The following ROBO1 variants were observed in gnomAD, a reference collection of about 807,000 sequenced individuals.
ROBO1 encodes roundabout guidance receptor 1.
In ROBO1, 149 loss-of-function variants were observed where a neutral mutation model predicts 195.9. The observed-to-expected ratio is 0.76, with a 90% CI of 0.67 to 0.87. The LOEUF (loss-of-function observed/expected upper bound fraction) is 0.87. ROBO1 is among the 40% of genes least tolerant of loss of function. ROBO1 has a pLI of 0.00. For synonymous variants in ROBO1, 816 were observed against 733.2 expected (o/e 1.11, Z -1.82); for missense variants, 1,933 against 2,068.3 (o/e 0.93, Z 1.27).
chr3:78,982,749 C>T (rs1182624727), intron 3 of ROBO1, among the ~76,000 whole-genome samples: 3 of 152,028 alleles, frequency 2.0e-5, no homozygotes, highest in Non-Finnish European at 4.4e-5. Flanking sequence ...CTGCCTCAGC[C>T]TCCTGAACAG....
At chr3:79,711,397 A>G (rs747955299) in intron 1 of ROBO1, among the ~76,000 whole-genome samples, 1 of 152,200 alleles carries the variant, frequency 6.6e-6, no homozygotes, top group Non-Finnish European at 1.5e-5. Context: ...TATTACACAC[A>G]GAGATTACGT....
chr3:78,926,072 T>A (rs1203043149), intron 4 of ROBO1, among the ~76,000 whole-genome samples: 1 of 152,030 alleles, frequency 6.6e-6, no homozygotes, highest in Non-Finnish European at 1.5e-5. Flanking sequence ...GGTTTCATCA[T>A]GTTGGCCAGG....
At chr3:78,646,320 A>G in intron 20 of ROBO1, 130 bp from the exon 21 acceptor site, 1 of 647,498 alleles carries the variant, frequency 1.5e-6, no homozygotes, top group East Asian at 2.8e-5. Context: ...TGCAAAAATC[A>G]CATGACGTAA....
chr3:79,120,309 A>G (rs1242205769), intron 3 of ROBO1, among the ~76,000 whole-genome samples: 3 of 152,154 alleles, frequency 2.0e-5, no homozygotes, highest in Non-Finnish European at 4.4e-5. Context: ...GAGATGAAAA[A>G]AATTATTATA....
rs576583805 is a variant in ROBO1 at position 78,804,861 on chromosome 3, C to T, written c.500-57961G>A. Among the ~76,000 whole-genome samples, 5 of 152,014 alleles carry T rather than the reference C, an allele frequency of 3.3e-5. No individual in the cohort carries two copies. In the East Asian group the frequency reaches 7.7e-4, roughly 23 times the overall value. On this transcript the variant is annotated intron_variant, in intron 4 of 30. Transcript: ENST00000464233. Reference sequence around the variant, plus strand: ...ACTGCTGTACATCTATTAAGAGTTCCAGTGTCTATTGGTTGGGTTCATCTG... The same window carrying T: ...ACTGCTGTACATCTATTAAGAGTTCTAGTGTCTATTGGTTGGGTTCATCTG...
At chr3:79,354,162 A>G (rs1467233737) in intron 2 of ROBO1, among the ~76,000 whole-genome samples, 2 of 152,180 alleles carry the variant, frequency 1.3e-5, no homozygotes, top group Non-Finnish European at 2.9e-5. Flanking sequence ...ACAACACTAT[A>G]ACAACTGGCC....
At chr3:79,242,283 A>G (rs1388051038) in intron 2 of ROBO1, among the ~76,000 whole-genome samples, 3 of 152,036 alleles carry the variant, frequency 2.0e-5, no homozygotes, top group Non-Finnish European at 4.4e-5. Flanking sequence ...AAAAAAAAAA[A>G]ATTCTCTTTT....
chr3:79,073,704 C>A (rs2079125408), intron 3 of ROBO1, among the ~76,000 whole-genome samples: 1 of 151,764 alleles, frequency 6.6e-6, no homozygotes, highest in Admixed American at 6.6e-5. Flanking sequence ...TGTTTCTTAG[C>A]ATTCAAAAAG....
chr3:79,616,636 T>C (rs1309127036), intron 1 of ROBO1, among the ~76,000 whole-genome samples: 1 of 151,768 alleles, frequency 6.6e-6, no homozygotes, highest in Non-Finnish European at 1.5e-5. Context: ...AAAAGGGGAG[T>C]GTTGCTCCAT....
chr3:79,656,942 A>G (rs773485238), intron 1 of ROBO1, among the ~76,000 whole-genome samples: 31 of 152,032 alleles, frequency 2.0e-4, no homozygotes, highest in Non-Finnish European at 4.6e-4. Flanking sequence ...ACAATGGACA[A>G]CTATAGCAGG....
At chr3:78,639,944 G>A in intron 21 of ROBO1, 46 bp from the exon 22 acceptor site, 3 of 1,335,206 alleles carry the variant, frequency 2.2e-6, no homozygotes, top group South Asian at 3.0e-5. Flanking sequence ...TGAATAGAGA[G>A]TAATATTTTC....
intron 2 of ROBO1, among the ~76,000 whole-genome samples, chr3:79,515,445 A>G (rs1311774047): frequency 6.6e-6 from 1 of 152,200 alleles, no homozygotes; most frequent in East Asian, 1.9e-4. Flanking sequence ...TATAACACTT[A>G]TTATAAAGAT....
intron 2 of ROBO1, among the ~76,000 whole-genome samples, chr3:79,333,727 T>G (rs2109186339): frequency 6.6e-6 from 1 of 152,200 alleles, no homozygotes; most frequent in East Asian, 1.9e-4. Context: ...TGGTTACATT[T>G]AAGCCCCTCT....
At chr3:79,288,406 A>T (rs781327941) in intron 2 of ROBO1, among the ~76,000 whole-genome samples, 2 of 152,188 alleles carry the variant, frequency 1.3e-5, no homozygotes, top group South Asian at 2.1e-4. Context: ...GATGAAAGAA[A>T]AAAATAAAAA....
intron 3 of ROBO1, among the ~76,000 whole-genome samples, chr3:79,056,704 AATTCATAGACG>A (rs1304448783): frequency 6.6e-6 from 1 of 152,082 alleles, no homozygotes; most frequent in African/African-American, 2.4e-5. Flanking sequence ...CTAGAACTGG[AATTCATAGACG>A]AAAGAATCCA....
chr3:78,843,174 A>G (rs929185523), intron 4 of ROBO1, among the ~76,000 whole-genome samples: 4 of 152,080 alleles, frequency 2.6e-5, no homozygotes, highest in African/African-American at 9.7e-5. Context: ...GAGGAGAGCT[A>G]GGTAGCAAAA....
At chr3:79,004,626 A>G (rs1341007076) in intron 3 of ROBO1, among the ~76,000 whole-genome samples, 1 of 152,184 alleles carries the variant, frequency 6.6e-6, no homozygotes, top group African/African-American at 2.4e-5. Flanking sequence ...CATTAGGACA[A>G]ACAGGAATTG....
intron 28 of ROBO1, among the ~76,000 whole-genome samples, chr3:78,611,984 C>T (rs1157779614): frequency 1.3e-5 from 2 of 152,048 alleles, no homozygotes; most frequent in Non-Finnish European, 2.9e-5. Context: ...TTTTTGAAGC[C>T]ACCTGGTCTA....
intron 3 of ROBO1, among the ~76,000 whole-genome samples, chr3:79,120,498 T>C (rs1160728969): frequency 6.6e-6 from 1 of 152,160 alleles, no homozygotes; most frequent in East Asian, 1.9e-4. Flanking sequence ...TTCTTGAATA[T>C]GCTTTCTGGA....
Sources: gnomAD v4.1 joint callset for allele counts (sites outside exome capture counted in the v4.1 genomes callset) on GRCh38, gnomAD v4.1.1 for gene constraint, MANE v1.5 for transcripts, NCBI Gene and HGNC (gene_info 2026-07-23, HGNC 2026-07-21) for gene names.